Variants in TAFA5 observed in about 807,000 individuals in gnomAD.
TAFA5 encodes the protein TAFA chemokine like family member 5, also known as chemokine-like protein TAFA-5.
TAFA5 carries 6 observed loss-of-function variants against 15.3 expected under a neutral mutation model. That is an observed-to-expected ratio of 0.39 (90% CI 0.21 to 0.77). TAFA5 has a LOEUF of 0.77. TAFA5 is among the 30% of genes least tolerant of loss of function. The probability of loss-of-function intolerance (pLI) is 0.41; values close to 1 mark genes in which losing one functional copy is unlikely to be tolerated. For missense variants in TAFA5, 161 were observed against 193.1 expected (o/e 0.83, Z 0.98); for synonymous variants, 103 against 80.7 (o/e 1.28, Z -1.48).
At position 48,646,394 on chromosome 22, in the gene TAFA5, G is replaced by A. The variant is rs577078335; in HGVS notation, c.113-203G>A. Among the ~76,000 whole-genome samples, 5 of 152,338 alleles carry A rather than the reference G, an allele frequency of 3.3e-5. No homozygotes were observed. The South Asian group carries it at 8.3e-4, about 25-fold the overall frequency. On this transcript the variant is annotated intron_variant, in intron 1 of 3. Transcript: ENST00000402357. ...GGCTGCACACAGGGTGGAGTTCGCC[G>A]ACTTGACCCAGCTCTGGCTTCCATC...
At chr22:48,673,794 G>A (rs116083819) in intron 2 of TAFA5, among the ~76,000 whole-genome samples, 20 of 152,272 alleles carry the variant, frequency 1.3e-4, no homozygotes, top group African/African-American at 4.8e-4. Flanking sequence ...GTGGAGCTGT[G>A]GTCCACACAG....
intron 1 of TAFA5, among the ~76,000 whole-genome samples, chr22:48,500,436 T>C (rs892090923): frequency 6.6e-6 from 1 of 152,224 alleles, no homozygotes; most frequent in African/African-American, 2.4e-5. Flanking sequence ...GACGGGTCAC[T>C]TGGGCCACTG....
At chr22:48,634,251 A>C (rs1178769674) in intron 1 of TAFA5, among the ~76,000 whole-genome samples, 1 of 151,438 alleles carries the variant, frequency 6.6e-6, no homozygotes, top group African/African-American at 2.4e-5. Flanking sequence ...CACTTATTCA[A>C]TCATTTACTC....
At chr22:48,732,364 C>T (rs1355447910) in intron 3 of TAFA5, among the ~76,000 whole-genome samples, 1 of 152,208 alleles carries the variant, frequency 6.6e-6, no homozygotes, top group Non-Finnish European at 1.5e-5. Context: ...TCACGCCATT[C>T]TCCTGCCTCA....
chr22:48,594,190 C>A (rs562023942), intron 1 of TAFA5, among the ~76,000 whole-genome samples: 1 of 152,314 alleles, frequency 6.6e-6, no homozygotes, highest in African/African-American at 2.4e-5. Flanking sequence ...CTGCTCTTGG[C>A]CAGTGGAACT....
chr22:48,564,022 C>T (rs1402653246), intron 1 of TAFA5, among the ~76,000 whole-genome samples: 1 of 152,200 alleles, frequency 6.6e-6, no homozygotes, highest in African/African-American at 2.4e-5. Flanking sequence ...GCGTGGGGTC[C>T]CCCAAAAGCA....
At chr22:48,600,652 A>C (rs73889127) in intron 1 of TAFA5, among the ~76,000 whole-genome samples, 230 of 152,344 alleles carry the variant, frequency 1.5e-3, no homozygotes, top group African/African-American at 5.2e-3. Flanking sequence ...CATTCACCCA[A>C]CTATGATGTT....
chr22:48,700,033 C>T (rs570281493), intron 2 of TAFA5, among the ~76,000 whole-genome samples: 6 of 152,164 alleles, frequency 3.9e-5, no homozygotes, highest in Admixed American at 2.0e-4. Context: ...CACGAGTACA[C>T]GCACACACCA....
intron 1 of TAFA5, among the ~76,000 whole-genome samples, chr22:48,597,789 C>T (rs947463624): frequency 2.6e-5 from 4 of 152,270 alleles, no homozygotes; most frequent in Non-Finnish European, 5.9e-5. Context: ...GTGGTAGGCA[C>T]AGGCTGAGCT....
chr22:48,725,854 G>A (rs1929700252), intron 3 of TAFA5, among the ~76,000 whole-genome samples: 1 of 152,116 alleles, frequency 6.6e-6, no homozygotes, highest in Non-Finnish European at 1.5e-5. Flanking sequence ...AATGGCTCCA[G>A]CAGAAGGAAG....
intron 2 of TAFA5, chr22:48,693,105 C>G (rs1383660777): frequency 3.2e-6 from 2 of 616,566 alleles, no homozygotes; most frequent in Non-Finnish European, 5.6e-6. Context: ...CCCTGTCCGC[C>G]CACTCGGATT....
intron 2 of TAFA5, among the ~76,000 whole-genome samples, chr22:48,692,212 G>A (rs1928565412): frequency 6.6e-6 from 1 of 152,106 alleles, no homozygotes; most frequent in African/African-American, 2.4e-5. Flanking sequence ...CAGCCTGCAG[G>A]ATGTCAGACA....
chr22:48,576,862 C>A (rs1923829423), intron 1 of TAFA5, among the ~76,000 whole-genome samples: 1 of 152,006 alleles, frequency 6.6e-6, no homozygotes, highest in East Asian at 2.0e-4. Context: ...CAAGCCGAGG[C>A]TGCCGTTCCC....
chr22:48,695,651 T>C (rs1156848742), intron 2 of TAFA5, among the ~76,000 whole-genome samples: 1 of 152,122 alleles, frequency 6.6e-6, no homozygotes. Flanking sequence ...CTATGGACAA[T>C]TGGCTTCTCT....
At chr22:48,637,228 G>C (rs187890160) in intron 1 of TAFA5, among the ~76,000 whole-genome samples, 1 of 152,306 alleles carries the variant, frequency 6.6e-6, no homozygotes, top group African/African-American at 2.4e-5. Flanking sequence ...CTGTGTGTAA[G>C]GATCTGTGTG....
In TAFA5 at chr22:48,598,881, A is replaced by G. The variant is rs1924863676; in HGVS notation, c.113-47716A>G. Among the ~76,000 whole-genome samples, 1 of 151,896 alleles carries G rather than the reference A, an allele frequency of 6.6e-6. No individual in the cohort carries two copies. The highest frequency in any genetic ancestry group is 2.1e-4 in the South Asian group (1 of 4,806). On this transcript the variant is annotated intron_variant, in intron 1 of 3. Coordinates refer to ENST00000402357, the MANE Select transcript of TAFA5 (RefSeq NM_001082967.3). The surrounding 1 kb of genome is among the most constrained non-coding windows in gnomAD (Gnocchi z 4.0). Reference sequence around the variant, plus strand: ...ACTGAATATAAGTCAGGGGGTTTCCACCACCCTCTCCTGGCATTCCGTCAT... The same window carrying G: ...ACTGAATATAAGTCAGGGGGTTTCCGCCACCCTCTCCTGGCATTCCGTCAT...
chr22:48,671,860 G>A (rs370286729), intron 2 of TAFA5, among the ~76,000 whole-genome samples: 1 of 152,148 alleles, frequency 6.6e-6, no homozygotes, highest in African/African-American at 2.4e-5. Flanking sequence ...AAGAGAGAAG[G>A]TGCATGTTTC....
chr22:48,585,577 A>G (rs901327793), intron 1 of TAFA5, among the ~76,000 whole-genome samples: 4 of 151,644 alleles, frequency 2.6e-5, no homozygotes, highest in African/African-American at 9.7e-5. Flanking sequence ...CACACCGCAG[A>G]CACACAATAC....
At chr22:48,637,108 T>C (rs1926478321) in intron 1 of TAFA5, among the ~76,000 whole-genome samples, 1 of 152,174 alleles carries the variant, frequency 6.6e-6, no homozygotes, top group African/African-American at 2.4e-5. Flanking sequence ...TCCGAGTCAC[T>C]GGCTCTGCCC....
Sources: gnomAD v4.1 joint callset for allele counts (sites outside exome capture counted in the v4.1 genomes callset) on GRCh38, gnomAD v4.1.1 for gene constraint, Gnocchi (gnomAD v3.1) non-coding constraint, MANE v1.5 for transcripts, NCBI Gene and HGNC (gene_info 2026-07-23, HGNC 2026-07-21) for gene names.